The following NFKB1 variants were observed in gnomAD, a reference collection of about 807,000 sequenced individuals.
NFKB1 encodes the protein nuclear factor NF-kappa-B p105 subunit.
NFKB1 carries 9 observed loss-of-function variants against 105.1 expected under a neutral mutation model. That is an observed-to-expected ratio of 0.09 (90% CI 0.05 to 0.15). The LOEUF (loss-of-function observed/expected upper bound fraction) is 0.15. Among genes scored for constraint, NFKB1 ranks in the 10% least tolerant of loss-of-function variants. The pLI, the probability that NFKB1 is intolerant of heterozygous loss-of-function variation, is 1.00. For synonymous variants in NFKB1, 440 were observed against 442.2 expected (o/e 1.00, Z 0.06); for missense variants, 830 against 1,203.7 (o/e 0.69, Z 4.59).
intron 5 of NFKB1, among the ~76,000 whole-genome samples, chr4:102,556,227 A>G (rs190561303): frequency 1.6e-4 from 24 of 152,308 alleles, no homozygotes; most frequent in African/African-American, 5.3e-4. Flanking sequence ...TTTTGGGCAC[A>G]TTGAGCTGTA....
intron 1 of NFKB1, among the ~76,000 whole-genome samples, chr4:102,512,456 C>T: frequency 6.6e-6 from 1 of 152,188 alleles, no homozygotes; most frequent in Non-Finnish European, 1.5e-5. Flanking sequence ...CCAAGCTATC[C>T]TCCCACCTCA....
intron 15 of NFKB1, among the ~76,000 whole-genome samples, chr4:102,599,105 A>C (rs1578813389): frequency 6.6e-6 from 1 of 152,312 alleles, no homozygotes; most frequent in South Asian, 2.1e-4. Context: ...GCTATTGGGG[A>C]AATTCCCATA....
intron 1 of NFKB1, among the ~76,000 whole-genome samples, chr4:102,519,082 C>CT (rs1345874855): frequency 6.6e-6 from 1 of 151,980 alleles, no homozygotes; most frequent in Non-Finnish European, 1.5e-5. Context: ...ACCGTAAGCT[C>CT]TGTGAGTACA....
chr4:102,562,241 C>T (rs141773382), intron 5 of NFKB1, among the ~76,000 whole-genome samples: 1 of 152,180 alleles, frequency 6.6e-6, no homozygotes. Flanking sequence ...TCTTTCAGAT[C>T]TCCACCCTCA....
intron 5 of NFKB1, among the ~76,000 whole-genome samples, chr4:102,548,930 A>G (rs1478290070): frequency 1.3e-5 from 2 of 152,086 alleles, no homozygotes; most frequent in East Asian, 1.9e-4. Flanking sequence ...CCATTTCCAG[A>G]TAATACAATA....
chr4:102,590,008 A>C (rs1726039606), intron 11 of NFKB1, among the ~76,000 whole-genome samples: 1 of 152,212 alleles, frequency 6.6e-6, no homozygotes, highest in Non-Finnish European at 1.5e-5. Flanking sequence ...CAGAAGTCTC[A>C]GAGGGCATCA....
intron 5 of NFKB1, among the ~76,000 whole-genome samples, chr4:102,565,977 G>A (rs1723833665): frequency 6.6e-6 from 1 of 152,164 alleles, no homozygotes; most frequent in Non-Finnish European, 1.5e-5. Flanking sequence ...CTTGTGAGGA[G>A]ATTATAGTGC....
chr4:102,564,544 G>A (rs1578767928), intron 5 of NFKB1, among the ~76,000 whole-genome samples: 1 of 152,202 alleles, frequency 6.6e-6, no homozygotes. Flanking sequence ...GGATCCAACA[G>A]CACATGAGTC....
chr4:102,583,312 A>G (rs1033856418), intron 10 of NFKB1, among the ~76,000 whole-genome samples: 1 of 152,166 alleles, frequency 6.6e-6, no homozygotes, highest in African/African-American at 2.4e-5. Flanking sequence ...CCTTATTGAA[A>G]TTTAGTACTT....
At chr4:102,515,101 A>ATT (rs1320060448) in intron 1 of NFKB1, among the ~76,000 whole-genome samples, 19 of 117,370 alleles carry the variant, frequency 1.6e-4, no homozygotes, top group African/African-American at 5.3e-4. Context: ...TATTATTATT[A>ATT]TTATTATTTT....
chr4:102,604,907 C>G (rs1727557767), intron 16 of NFKB1, among the ~76,000 whole-genome samples: 1 of 150,984 alleles, frequency 6.6e-6, no homozygotes, highest in African/African-American at 2.4e-5. Flanking sequence ...AGATATAATC[C>G]TTGGATTTAA....
intron 15 of NFKB1, among the ~76,000 whole-genome samples, chr4:102,599,206 T>C (rs1322573103): frequency 2.0e-5 from 3 of 152,234 alleles, no homozygotes; most frequent in Non-Finnish European, 4.4e-5. Context: ...TTTAGAAGTA[T>C]GACCTTTTTC....
intron 5 of NFKB1, among the ~76,000 whole-genome samples, chr4:102,540,266 TA>T (rs1333991585): frequency 6.6e-6 from 1 of 152,208 alleles, no homozygotes; most frequent in East Asian, 1.9e-4. Flanking sequence ...TTAACTTTCT[TA>T]TAAATTTATT....
chr4:102,597,470 T>C (rs753883383), intron 14 of NFKB1, 50 bp from the exon 15 acceptor site: 106 of 1,558,382 alleles, frequency 6.8e-5, no homozygotes, highest in Non-Finnish European at 8.9e-5. Flanking sequence ...GCCATACCCA[T>C]AAAACAAAAG....
chr4:102,607,614 T>G (rs751673395), intron 18 of NFKB1, 35 bp from the exon 19 acceptor site: 1 of 1,602,552 alleles, frequency 6.2e-7, no homozygotes, highest in East Asian at 2.2e-5. Context: ...AAAAGAACCT[T>G]CCACTAACGC....
At chr4:102,534,113 A>G (rs1361794283) in intron 4 of NFKB1, among the ~76,000 whole-genome samples, 1 of 152,196 alleles carries the variant, frequency 6.6e-6, no homozygotes, top group East Asian at 1.9e-4. Flanking sequence ...GCAGTTAATT[A>G]CAGTATTAGA....
At chr4:102,589,403 C>A (rs1725989147) in intron 11 of NFKB1, among the ~76,000 whole-genome samples, 2 of 151,430 alleles carry the variant, frequency 1.3e-5, no homozygotes, top group South Asian at 4.2e-4. Context: ...ATAAGTAAGT[C>A]AAAGTTTCTC....
intron 5 of NFKB1, among the ~76,000 whole-genome samples, chr4:102,541,786 A>C (rs1408677904): frequency 6.6e-6 from 1 of 152,168 alleles, no homozygotes; most frequent in Admixed American, 6.5e-5. Flanking sequence ...CATTAAGTGC[A>C]TTTGTTCAGG....
chr4:102,533,072 A>T (rs1741403174), intron 3 of NFKB1, among the ~76,000 whole-genome samples: 1 of 152,188 alleles, frequency 6.6e-6, no homozygotes, highest in South Asian at 2.1e-4. Context: ...CTTCAATTAA[A>T]TTATTTTCAG....
Sources: gnomAD v4.1 joint callset for allele counts (sites outside exome capture counted in the v4.1 genomes callset) on GRCh38, gnomAD v4.1.1 for gene constraint, MANE v1.5 for transcripts, NCBI Gene and HGNC (gene_info 2026-07-23, HGNC 2026-07-21) for gene names.